ZDHHC7: variants seen among roughly 807,000 people sequenced by gnomAD.
ZDHHC7 encodes the protein zDHHC palmitoyltransferase 7, also known as palmitoyltransferase ZDHHC7.
Under a neutral mutation model 34.1 loss-of-function variants are expected in ZDHHC7, and 12 were observed. The ratio of observed to expected loss-of-function variants is 0.35; its 90% CI spans 0.23 to 0.57. The LOEUF is 0.57. Ranked by LOEUF, ZDHHC7 falls within the 20% of genes least tolerant of loss-of-function variation. ZDHHC7 has a pLI of 0.84. For missense variants in ZDHHC7, 388 were observed against 402.7 expected, an observed-to-expected ratio of 0.96 and a Z score of 0.31; for synonymous variants, 185 against 155.4, an observed-to-expected ratio of 1.19 and a Z score of -1.42.
rs1395290682 is a variant in ZDHHC7, at chr16:84,975,691, AAAC to A, written c.*649_*651del. 2.0e-5 allele frequency: 3 copies of A among 152,732 alleles called. No homozygotes were observed. Among genetic ancestry groups the A allele is most frequent in the African/African-American group, 4.8e-5 (2 of 41,450 alleles). The allele number at this position is 152,732 out of a possible 1,614,324, so 9.5% of individuals were successfully genotyped here. On this transcript the variant is annotated 3_prime_UTR_variant, in exon 8 of 8. Transcript: ENST00000313732. ...ACAGCCGGTAAATGTTACATTGCCT[AAAC>A]AACACTGGCAATTTTGACACACATG...
chr16:84,987,515 G>A (rs556791971), intron 3 of ZDHHC7, among the ~76,000 whole-genome samples: 18 of 151,260 alleles, frequency 1.2e-4, no homozygotes, highest in African/African-American at 4.4e-4. Context: ...TTCCCCCAGT[G>A]GGGACACTTT....
chr16:85,009,626 G>A (rs2072762053), intron 1 of ZDHHC7, among the ~76,000 whole-genome samples: 1 of 151,758 alleles, frequency 6.6e-6, no homozygotes, highest in East Asian at 1.9e-4. Context: ...TTCAAGAATT[G>A]CAATTTAGTT....
chr16:85,011,967 G>A (rs568578997), upstream of ZDHHC7, among the ~76,000 whole-genome samples: 2 of 152,358 alleles, frequency 1.3e-5, no homozygotes, highest in African/African-American at 4.8e-5. Flanking sequence ...CTGAACTGGG[G>A]ATTGGAGGCC....
upstream of ZDHHC7, among the ~76,000 whole-genome samples, chr16:85,012,530 AAAGT>A (rs2072807996): frequency 1.3e-5 from 2 of 152,178 alleles, no homozygotes; most frequent in South Asian, 2.1e-4. Flanking sequence ...CTTAAAGACA[AAAGT>A]AAGACCCCAT....
chr16:85,019,200 C>T, the ZDHHC7 span, among the ~76,000 whole-genome samples: 3,332 of 152,314 alleles, frequency 0.022, 71 homozygotes, highest in South Asian at 0.058. Context: ...CAACGTATTT[C>T]GTTTCCCTTC....
chr16:84,978,113 C>G, intron 5 of ZDHHC7, 108 bp from the exon 6 acceptor site: 1 of 756,602 alleles, frequency 1.3e-6, no homozygotes, highest in Non-Finnish European at 2.1e-6. Context: ...TCTCAGCTCA[C>G]TGCAACCTCC....
the ZDHHC7 span, among the ~76,000 whole-genome samples, chr16:85,024,651 T>C: frequency 1.3e-5 from 2 of 152,314 alleles, no homozygotes; most frequent in South Asian, 4.1e-4. Flanking sequence ...TGGATATCTG[T>C]AGCTTTTCCC....
intron 5 of ZDHHC7, among the ~76,000 whole-genome samples, chr16:84,978,716 G>A (rs2072329817): frequency 6.6e-6 from 1 of 152,040 alleles, no homozygotes; most frequent in Admixed American, 6.6e-5. Flanking sequence ...TACAAAATTA[G>A]CCAGGCGTGG....
In ZDHHC7 at chr16:84,992,310, T is replaced by C. The variant is rs368862813; in HGVS notation, c.-17-1675A>G. Among the ~76,000 whole-genome samples the C allele has an allele frequency of 2.1e-5, 3 of 145,942 alleles. No homozygotes were observed. The South Asian group carries it at 6.7e-4, about 33-fold the overall frequency. ...TGGTGAAACCCGTCTCTACTAAAAATATAAAAATTAGTCGGGCACAGTGGC... is the reference window on the plus strand; with the variant it reads ...TGGTGAAACCCGTCTCTACTAAAAACATAAAAATTAGTCGGGCACAGTGGC... On this transcript the variant is annotated intron_variant, in intron 2 of 7. Coordinates refer to ENST00000313732, the MANE Select transcript of ZDHHC7 (RefSeq NM_017740.3).
chr16:85,001,288 C>T (rs1419303093), intron 1 of ZDHHC7, among the ~76,000 whole-genome samples: 8 of 151,886 alleles, frequency 5.3e-5, no homozygotes, highest in South Asian at 2.1e-4. Flanking sequence ...CTAGCCAACA[C>T]GGCGAAACCC....
the ZDHHC7 span, among the ~76,000 whole-genome samples, chr16:85,024,751 G>C: frequency 1.3e-5 from 2 of 152,172 alleles, no homozygotes; most frequent in Non-Finnish European, 2.9e-5. Context: ...CACTCAAGTA[G>C]TATGAGTGGG....
rs755662959 is a variant in ZDHHC7 at position 84,990,328 on chromosome 16, G to A, written c.291C>T (p.His97=). 6.2e-7 allele frequency: 1 copy of A among 1,614,048 alleles called. No homozygotes were observed. The highest frequency in any genetic ancestry group is 1.1e-5 in the South Asian group (1 of 91,074). The change falls in exon 3 of 8, where the codon CAC becomes CAT. Residue 97 remains histidine, a synonymous_variant. Transcript: ENST00000313732. The part of the protein sequence containing the change: ...NCLAVLALSS[H]LRTMLTDPGA... Reference sequence around the variant, plus strand: ...CAGGGTCGGTGAGCATGGTTCTCAGGTGGGATGACAGGGCAAGCACGGCCA... The same window carrying A: ...CAGGGTCGGTGAGCATGGTTCTCAGATGGGATGACAGGGCAAGCACGGCCA...
At position 84,990,510 on chromosome 16, in the gene ZDHHC7, C is replaced by T; in HGVS notation, c.109G>A (p.Asp37Asn). Residue 37 changes from aspartate (D) to asparagine (N), a missense_variant, in exon 3 of 8, where the codon GAC becomes AAC. Coordinates refer to ENST00000313732, the MANE Select transcript of ZDHHC7 (RefSeq NM_017740.3). ...CCGTCACGGATGAACCAGACCCGGT[C>T]AGCCACGTCAGCCTCGGAGGAGGAG... is the stretch of plus-strand genomic sequence containing the variant. ...SSSSSEADVA[D>N]RVWFIRDGCG... 1 of 1,614,198 alleles carries T rather than the reference C, an allele frequency of 6.2e-7. No individual in the cohort carries two copies. Among genetic ancestry groups the T allele is most frequent in the African/African-American group, 1.3e-5 (1 of 75,056 alleles).
At chr16:84,990,680 A>C in intron 2 of ZDHHC7, 45 bp from the exon 3 acceptor site, 4 of 1,513,748 alleles carry the variant, frequency 2.6e-6, no homozygotes, top group Non-Finnish European at 2.7e-6. Context: ...CAAAAAGCTC[A>C]CAAGCTACCT....
intron 5 of ZDHHC7, among the ~76,000 whole-genome samples, chr16:84,978,949 T>C (rs920895599): frequency 6.6e-5 from 10 of 151,350 alleles, no homozygotes; most frequent in Non-Finnish European, 1.5e-4. Context: ...TAATAAACAA[T>C]AGCGATTGAG....
upstream of ZDHHC7, among the ~76,000 whole-genome samples, chr16:85,015,586 C>T (rs904188388): frequency 2.0e-5 from 3 of 152,156 alleles, no homozygotes; most frequent in Non-Finnish European, 2.9e-5. Context: ...CACGGTTGCT[C>T]ACGCTTGCAA....
intron 1 of ZDHHC7, among the ~76,000 whole-genome samples, chr16:84,997,335 C>A (rs1408667673): frequency 1.1e-4 from 15 of 140,790 alleles, no homozygotes; most frequent in African/African-American, 3.9e-4. Context: ...GTGGCGCAGT[C>A]TCGGCTCACT....
intron 3 of ZDHHC7, among the ~76,000 whole-genome samples, chr16:84,986,996 G>A (rs541043030): frequency 6.6e-6 from 1 of 152,268 alleles, no homozygotes; most frequent in South Asian, 2.1e-4. Flanking sequence ...AAGTAGACCT[G>A]GACATCAGTG....
the ZDHHC7 span, among the ~76,000 whole-genome samples, chr16:85,023,650 CCT>C: frequency 2.0e-5 from 3 of 150,406 alleles, no homozygotes; most frequent in South Asian, 6.3e-4. Context: ...ACAGGGTCTC[CCT>C]CTGTCACCCA....
Sources: allele counts gnomAD v4.1 joint callset (sites outside exome capture counted in the v4.1 genomes callset), GRCh38; gene constraint gnomAD v4.1.1; transcripts MANE v1.5; gene names NCBI Gene and HGNC (gene_info 2026-07-23, HGNC 2026-07-21).